OLA1: variants seen among roughly 807,000 people sequenced by gnomAD.
OLA1 encodes Obg like ATPase 1.
In OLA1, 14 loss-of-function variants were observed where a neutral mutation model predicts 48.4. That is an observed-to-expected ratio of 0.29 (90% CI 0.19 to 0.45). The LOEUF (loss-of-function observed/expected upper bound fraction) is 0.45. Among genes scored for constraint, OLA1 ranks in the 20% least tolerant of loss-of-function variants. OLA1 has a pLI of 1.00. For synonymous variants in OLA1, 127 were observed against 150.4 expected, an observed-to-expected ratio of 0.84 and a Z score of 1.14; for missense variants, 325 against 467.1, an observed-to-expected ratio of 0.70 and a Z score of 2.80.
chr2:174,218,170 T>C lies in OLA1; in HGVS notation c.373+4863A>G, dbSNP rs1016539338. 1.4e-4 allele frequency among the ~76,000 whole-genome samples: 21 copies of C among 152,170 alleles called. 1 individual carries two copies. Among genetic ancestry groups the C allele is most frequent in the African/African-American group, 5.1e-4 (21 of 41,436 alleles). On this transcript the variant is annotated intron_variant, in intron 4 of 10. Transcript: ENST00000284719. ...GATTACCAGCATGTGCCACTGCAAC[T>C]GGCTTTGAATTTTTTTTTTCAGCTC...
At chr2:174,172,521 A>C (rs73035743) in intron 4 of OLA1, 2,018 of 162,454 alleles carry the variant, frequency 0.012, 45 homozygotes, top group African/African-American at 0.044. Context: ...GAGGGTACCC[A>C]CAACCAGTGG....
intron 5 of OLA1, among the ~76,000 whole-genome samples, chr2:174,127,609 G>A (rs553839849): frequency 1.1e-4 from 17 of 152,116 alleles, no homozygotes; most frequent in South Asian, 6.2e-4. Flanking sequence ...ATAAAGTTCC[G>A]TTTATGTGCC....
intron 7 of OLA1, among the ~76,000 whole-genome samples, chr2:174,114,981 C>T (rs2028890): frequency 0.43 from 64,683 of 151,760 alleles, 14,591 homozygotes; most frequent in East Asian, 0.94. Flanking sequence ...AATACAAAAA[C>T]TAGCCAGGTG....
At chr2:174,085,200 A>T (rs972027163) in intron 7 of OLA1, among the ~76,000 whole-genome samples, 1 of 152,198 alleles carries the variant, frequency 6.6e-6, no homozygotes, top group Non-Finnish European at 1.5e-5. Context: ...AAAGGATGAT[A>T]CTTTGAGATA....
chr2:174,146,021 C>T (rs993179305), intron 4 of OLA1, among the ~76,000 whole-genome samples: 3 of 152,100 alleles, frequency 2.0e-5, no homozygotes, highest in Admixed American at 2.0e-4. Context: ...GCCAAACGGC[C>T]AGAGGGAGGC....
At chr2:174,103,510 T>C (rs1302783169) in intron 7 of OLA1, among the ~76,000 whole-genome samples, 1 of 152,208 alleles carries the variant, frequency 6.6e-6, no homozygotes, top group Non-Finnish European at 1.5e-5. Flanking sequence ...GTGCTAACCC[T>C]GGCATACACA....
intron 3 of OLA1, among the ~76,000 whole-genome samples, chr2:174,225,216 T>C (rs944185390): frequency 5.3e-5 from 8 of 152,170 alleles, no homozygotes; most frequent in African/African-American, 9.7e-5. Context: ...CCTGTCTCCA[T>C]GTGACACACC....
At chr2:174,123,374 T>C (rs1435322242) in intron 6 of OLA1, 97 bp from the exon 7 acceptor site, 2 of 629,870 alleles carry the variant, frequency 3.2e-6, no homozygotes, top group African/African-American at 1.9e-5. Flanking sequence ...TTAAAACAAG[T>C]AGGCATTTTC....
intron 4 of OLA1, among the ~76,000 whole-genome samples, chr2:174,215,056 A>AG (rs1260734422): frequency 6.6e-6 from 1 of 152,118 alleles, no homozygotes; most frequent in East Asian, 1.9e-4. Flanking sequence ...TCAAAAAAAA[A>AG]AAAAAGAATT....
intron 2 of OLA1, among the ~76,000 whole-genome samples, chr2:174,245,115 A>G (rs1010150806): frequency 3.3e-5 from 5 of 152,218 alleles, no homozygotes; most frequent in African/African-American, 7.2e-5. Context: ...CAATATCTCA[A>G]AACTTAACTT....
At chr2:174,099,198 C>T (rs1010472650) in intron 7 of OLA1, among the ~76,000 whole-genome samples, 1 of 151,842 alleles carries the variant, frequency 6.6e-6, no homozygotes, top group Non-Finnish European at 1.5e-5. Context: ...GCTCTGTCAC[C>T]AGGCTGGAGT....
At chr2:174,243,817 A>G (rs1025247311) in intron 2 of OLA1, among the ~76,000 whole-genome samples, 3 of 152,214 alleles carry the variant, frequency 2.0e-5, no homozygotes, top group African/African-American at 7.2e-5. Flanking sequence ...GCAGACTAAA[A>G]AGTAAGCCTT....
At chr2:174,098,396 G>A (rs995255269) in intron 7 of OLA1, among the ~76,000 whole-genome samples, 3 of 152,182 alleles carry the variant, frequency 2.0e-5, no homozygotes, top group Non-Finnish European at 4.4e-5. Context: ...ATTCTGACAT[G>A]AGAAAAGGAA....
intron 2 of OLA1, among the ~76,000 whole-genome samples, chr2:174,239,748 G>T (rs1255492213): frequency 6.8e-6 from 1 of 146,240 alleles, no homozygotes; most frequent in Non-Finnish European, 1.5e-5. Context: ...TTAAAAATTA[G>T]CCTGACATAA....
chr2:174,073,100 C>G lies in OLA1; in HGVS notation c.*2326G>C, dbSNP rs1376350231. On this transcript the variant is annotated 3_prime_UTR_variant, in exon 11 of 11. Transcript: ENST00000284719. ...AGGCTCAAGCGATCGATCAATCCTC[C>G]CATCTCAGCCTCCTAAGTAGCTGGG... 1 of 152,212 alleles carries G rather than the reference C, an allele frequency of 6.6e-6. No individual in the cohort carries two copies. The highest frequency in any genetic ancestry group is 2.4e-5 in the African/African-American group (1 of 41,444). The allele number at this position is 152,212 out of a possible 1,614,324, so 9.4% of individuals were successfully genotyped here. A position where few individuals can be genotyped will look rare whatever the true frequency, so the allele number is the denominator to read the frequency against.
At chr2:174,163,184 A>G (rs1687054062) in intron 4 of OLA1, among the ~76,000 whole-genome samples, 1 of 152,202 alleles carries the variant, frequency 6.6e-6, no homozygotes, top group Admixed American at 6.5e-5. Flanking sequence ...GAGATTCTGC[A>G]TTTTAAAGCA....
intron 5 of OLA1, among the ~76,000 whole-genome samples, chr2:174,131,716 TTTGTGAAGTAC>T: frequency 6.6e-6 from 1 of 152,244 alleles, no homozygotes; most frequent in Admixed American, 6.5e-5. Context: ...AATTTCTTCT[TTTGTGAAGTAC>T]TTGTGAAGTC....
chr2:174,072,790 G>A lies in OLA1; in HGVS notation c.*2636C>T, dbSNP rs1186244692. 6.6e-6 allele frequency: 1 copy of A among 152,184 alleles called. No homozygotes were observed. Among genetic ancestry groups the A allele is most frequent in the Admixed American group, 6.5e-5 (1 of 15,278 alleles). 9.4% of individuals were successfully genotyped at this position (152,184 alleles called of 1,614,324 possible). The stretch of plus-strand genomic sequence containing the variant: ...GAGTAAGGGGACTTATTCCACCAAT[G>A]AAACTGGCAAGTTATAAGTGAACAG... On this transcript the variant is annotated 3_prime_UTR_variant, in exon 11 of 11. Coordinates refer to ENST00000284719, the MANE Select transcript of OLA1 (RefSeq NM_013341.5).
intron 2 of OLA1, among the ~76,000 whole-genome samples, chr2:174,242,604 C>T (rs1689029423): frequency 6.6e-6 from 1 of 152,096 alleles, no homozygotes; most frequent in African/African-American, 2.4e-5. Flanking sequence ...TCCACTATAC[C>T]AAGCTATGAC....
Sources: gnomAD v4.1 joint callset for allele counts (sites outside exome capture counted in the v4.1 genomes callset) on GRCh38, gnomAD v4.1.1 for gene constraint, MANE v1.5 for transcripts, NCBI Gene and HGNC (gene_info 2026-07-23, HGNC 2026-07-21) for gene names.